Variants in XKR6 observed in about 807,000 individuals in gnomAD.
The protein encoded by XKR6 is XK related 6.
A neutral mutation model predicts 56.7 loss-of-function variants in XKR6; 22 were observed. The ratio of observed to expected loss-of-function variants is 0.39; its 90% CI spans 0.28 to 0.55. XKR6 has a LOEUF of 0.55. Ranked by LOEUF, XKR6 falls within the 20% of genes least tolerant of loss-of-function variation. XKR6 has a pLI of 0.66. For missense variants in XKR6, 852 were observed against 889.0 expected, an observed-to-expected ratio of 0.96 and a Z score of 0.53; for synonymous variants, 524 against 387.8, an observed-to-expected ratio of 1.35 and a Z score of -4.13.
At chr8:11,105,256 G>A (rs1286649298) in intron 1 of XKR6, 1 of 152,210 alleles carries the variant, frequency 6.6e-6, no homozygotes, top group Non-Finnish European at 1.5e-5. Context: ...AGAACTCAGG[G>A]TTACAAACTT....
rs906948134 is a variant in XKR6, at chr8:11,145,826, T to C, written c.764+54750A>G. Among the ~76,000 whole-genome samples the C allele has an allele frequency of 8.5e-5, 13 of 152,220 alleles. 1 individual carries two copies. The highest frequency in any genetic ancestry group is 2.9e-4 in the African/African-American group (12 of 41,448). On this transcript the variant is annotated intron_variant, in intron 1 of 2. Transcript: ENST00000416569. ...CGATCAAAATCCTAGCACACTGTTT[T>C]TGTAGAAATTAACAAACTGATTCCA...
chr8:11,056,473 T>C (rs1192096019), intron 1 of XKR6, among the ~76,000 whole-genome samples: 1 of 152,146 alleles, frequency 6.6e-6, no homozygotes, highest in African/African-American at 2.4e-5. Context: ...TGGGCAGACA[T>C]TTCTGTGCAC....
intron 1 of XKR6, among the ~76,000 whole-genome samples, chr8:10,942,547 CAG>C (rs1801416005): frequency 6.6e-6 from 1 of 152,216 alleles, no homozygotes. Flanking sequence ...ACCGGGCACA[CAG>C]AGCAAAAAGC....
rs1184211948 is a variant in XKR6, at chr8:11,200,347, G to A, written c.764+229C>T. Among the ~76,000 whole-genome samples the A allele has an allele frequency of 1.3e-5, 2 of 152,238 alleles. No individual in the cohort carries two copies. The highest frequency in any genetic ancestry group is 2.9e-5 in the Non-Finnish European group (2 of 68,036). ...GGGCAAGAGCCCCGCCGAGTGCGAA[G>A]CGGGGACGAGGACGGGCCAACGGCA... is the stretch of plus-strand genomic sequence containing the variant. On this transcript the variant is annotated intron_variant, in intron 1 of 2. Transcript: ENST00000416569. The surrounding 1 kb of genome is among the most constrained non-coding windows in gnomAD (Gnocchi z 6.4).
At chr8:10,925,284 C>A in intron 1 of XKR6, among the ~76,000 whole-genome samples, 1 of 152,312 alleles carries the variant, frequency 6.6e-6, no homozygotes, top group Non-Finnish European at 1.5e-5. Context: ...ATTTCTGAAG[C>A]TCCTACTACG....
At chr8:10,963,519 C>G (rs1328545332) in intron 1 of XKR6, among the ~76,000 whole-genome samples, 2 of 149,978 alleles carry the variant, frequency 1.3e-5, no homozygotes, top group Non-Finnish European at 1.5e-5. Flanking sequence ...GTGCCTCGAA[C>G]AGGGCCTGAC....
intron 1 of XKR6, among the ~76,000 whole-genome samples, chr8:11,102,260 G>T (rs1354358353): frequency 6.6e-6 from 1 of 152,102 alleles, no homozygotes; most frequent in Non-Finnish European, 1.5e-5. Context: ...TCTTTCCCAT[G>T]AGCTCTCCCA....
At chr8:10,990,534 CTG>C (rs1230561290) in intron 1 of XKR6, among the ~76,000 whole-genome samples, 1 of 152,340 alleles carries the variant, frequency 6.6e-6, no homozygotes, top group Non-Finnish European at 1.5e-5. Context: ...ACACAACACA[CTG>C]TGGCTGGAAG....
chr8:11,004,173 T>C (rs919534354), intron 1 of XKR6, among the ~76,000 whole-genome samples: 19 of 149,810 alleles, frequency 1.3e-4, no homozygotes, highest in African/African-American at 3.8e-4. Context: ...CTCAAGTCTA[T>C]GTTAAAAAGC....
chr8:10,958,458 A>G (rs546062998), intron 1 of XKR6, among the ~76,000 whole-genome samples: 8 of 152,356 alleles, frequency 5.3e-5, no homozygotes, highest in African/African-American at 1.9e-4. Context: ...GAGGGCCCAC[A>G]TCCAGCTACT....
intron 1 of XKR6, among the ~76,000 whole-genome samples, chr8:11,170,015 G>A (rs943983598): frequency 6.6e-6 from 1 of 152,076 alleles, no homozygotes; most frequent in Non-Finnish European, 1.5e-5. Flanking sequence ...CTTGAAAATG[G>A]AAGTCTGCAA....
At chr8:11,071,912 T>C (rs1800140594) in intron 1 of XKR6, among the ~76,000 whole-genome samples, 1 of 152,198 alleles carries the variant, frequency 6.6e-6, no homozygotes, top group African/African-American at 2.4e-5. Context: ...ATATATGCAC[T>C]ACACCAAGAA....
At chr8:11,130,420 C>T (rs1257375123) in intron 1 of XKR6, among the ~76,000 whole-genome samples, 1 of 152,070 alleles carries the variant, frequency 6.6e-6, no homozygotes, top group East Asian at 1.9e-4. Context: ...CATCCACGCT[C>T]CTTGGAACCA....
chr8:11,197,526 G>T (rs1803956233), intron 1 of XKR6, among the ~76,000 whole-genome samples: 1 of 152,220 alleles, frequency 6.6e-6, no homozygotes, highest in Non-Finnish European at 1.5e-5. Context: ...CCTGGAATAA[G>T]TGATTCACAT....
At chr8:11,102,469 G>T (rs1798519395) in intron 1 of XKR6, among the ~76,000 whole-genome samples, 1 of 152,162 alleles carries the variant, frequency 6.6e-6, no homozygotes, top group Non-Finnish European at 1.5e-5. Context: ...AGCTCTCTGA[G>T]AAGACAATTT....
chr8:10,966,812 G>A (rs181726286), intron 1 of XKR6, among the ~76,000 whole-genome samples: 11 of 152,284 alleles, frequency 7.2e-5, no homozygotes, highest in African/African-American at 7.2e-5. Context: ...ATCCTGGGGC[G>A]CACTGACGTC....
chr8:11,024,475 T>A (rs1204308707), intron 1 of XKR6, among the ~76,000 whole-genome samples: 1 of 152,192 alleles, frequency 6.6e-6, no homozygotes, highest in Non-Finnish European at 1.5e-5. Context: ...CCTAGTCAAT[T>A]GTCTGGCACC....
chr8:10,983,246 T>G (rs1270403767), intron 1 of XKR6, among the ~76,000 whole-genome samples: 2 of 152,068 alleles, frequency 1.3e-5, no homozygotes, highest in Non-Finnish European at 2.9e-5. Flanking sequence ...CCTGCTTTTT[T>G]TGGGAAAAAA....
chr8:11,062,394 T>C (rs950741693), intron 1 of XKR6, among the ~76,000 whole-genome samples: 2 of 152,218 alleles, frequency 1.3e-5, no homozygotes, highest in African/African-American at 2.4e-5. Context: ...ATGCCTTTAT[T>C]TGTATGTTCC....
Sources: allele counts gnomAD v4.1 joint callset (sites outside exome capture counted in the v4.1 genomes callset), GRCh38; gene constraint gnomAD v4.1.1; non-coding constraint Gnocchi (gnomAD v3.1); transcripts MANE v1.5; gene names NCBI Gene and HGNC (gene_info 2026-07-23, HGNC 2026-07-21).